Variants in TNRC6B observed in about 807,000 individuals in gnomAD.
TNRC6B encodes trinucleotide repeat containing adaptor 6B.
A neutral mutation model predicts 203.6 loss-of-function variants in TNRC6B; 52 were observed. The observed-to-expected ratio is 0.26, with a 90% CI of 0.20 to 0.32. The LOEUF (loss-of-function observed/expected upper bound fraction) is 0.32. TNRC6B is among the 10% of genes least tolerant of loss of function. TNRC6B has a pLI of 1.00. For synonymous variants in TNRC6B, 838 were observed against 845.7 expected (o/e 0.99, Z 0.16); for missense variants, 1,923 against 2,286.2 (o/e 0.84, Z 3.24).
intron 6 of TNRC6B, among the ~76,000 whole-genome samples, chr22:40,272,930 C>T (rs904658499): frequency 1.3e-5 from 2 of 152,170 alleles, no homozygotes; most frequent in African/African-American, 2.4e-5. Context: ...AAATTTTCCC[C>T]CTTTTCATGT....
chr22:40,251,791 C>CA (rs1473633545), intron 3 of TNRC6B, among the ~76,000 whole-genome samples: 2 of 151,708 alleles, frequency 1.3e-5, no homozygotes, highest in Non-Finnish European at 2.9e-5. Context: ...AGAATAATAG[C>CA]AAAAAACAAA....
At chr22:40,317,123 CT>C (rs1402765029) in intron 21 of TNRC6B, among the ~76,000 whole-genome samples, 1 of 152,202 alleles carries the variant, frequency 6.6e-6, no homozygotes, top group East Asian at 1.9e-4. Flanking sequence ...GTCTTCCCTT[CT>C]CAACTAAGTT....
intron 3 of TNRC6B, among the ~76,000 whole-genome samples, chr22:40,260,265 G>A (rs1601928439): frequency 1.3e-5 from 2 of 151,568 alleles, no homozygotes; most frequent in Non-Finnish European, 2.9e-5. Context: ...CACAGAGAGC[G>A]GTGCAAGTCT....
intron 3 of TNRC6B, among the ~76,000 whole-genome samples, chr22:40,261,207 G>A (rs1455730516): frequency 6.6e-6 from 1 of 152,092 alleles, no homozygotes; most frequent in African/African-American, 2.4e-5. Context: ...GATCACTTGA[G>A]CCCTGGAGGT....
At chr22:40,104,721 T>C (rs1376837666) in intron 1 of TNRC6B, among the ~76,000 whole-genome samples, 1 of 152,146 alleles carries the variant, frequency 6.6e-6, no homozygotes, top group African/African-American at 2.4e-5. Context: ...TCAGAGTATA[T>C]TGATGATATC....
At chr22:40,195,793 G>A (rs948104102) in intron 1 of TNRC6B, among the ~76,000 whole-genome samples, 2 of 149,750 alleles carry the variant, frequency 1.3e-5, no homozygotes, top group Admixed American at 1.3e-4. Flanking sequence ...TTTTTGAGAC[G>A]GAGTCTCGCT....
intron 1 of TNRC6B, among the ~76,000 whole-genome samples, chr22:40,198,317 CTT>C (rs1215595832): frequency 6.6e-6 from 1 of 152,150 alleles, no homozygotes; most frequent in African/African-American, 2.4e-5. Flanking sequence ...CAAGTTCTAA[CTT>C]AACAGATATT....
At chr22:40,116,191 G>A (rs1362642766) in intron 1 of TNRC6B, among the ~76,000 whole-genome samples, 1 of 152,192 alleles carries the variant, frequency 6.6e-6, no homozygotes, top group Non-Finnish European at 1.5e-5. Context: ...TGGGTTGACT[G>A]TGAAACTAAG....
chr22:40,281,715 T>C (rs1290142002), intron 11 of TNRC6B, among the ~76,000 whole-genome samples: 2 of 152,220 alleles, frequency 1.3e-5, no homozygotes, highest in African/African-American at 4.8e-5. Flanking sequence ...ATTAAGTATT[T>C]GTGGGTTATG....
In TNRC6B at chr22:40,325,034, G is replaced by A. The variant is rs948455947; in HGVS notation, c.*1793G>A. The A allele has an allele frequency of 2.6e-5, 4 of 152,544 alleles. No individual in the cohort carries two copies. Among genetic ancestry groups the A allele is most frequent in the African/African-American group, 9.7e-5 (4 of 41,388 alleles). 9.4% of individuals were successfully genotyped at this position (152,544 alleles called of 1,614,324 possible). A position where few individuals can be genotyped will look rare whatever the true frequency, so the allele number is the denominator to read the frequency against. On this transcript the variant is annotated 3_prime_UTR_variant, in exon 23 of 23. Coordinates refer to ENST00000454349, the MANE Select transcript of TNRC6B (RefSeq NM_001162501.2). ...CTGAAGGGGGCGAAAAACCAGATAG[G>A]GTGGGGGGATGGATGCCGGTGACGT...
intron 1 of TNRC6B, among the ~76,000 whole-genome samples, chr22:40,085,219 G>A (rs1055040931): frequency 1.1e-4 from 17 of 152,026 alleles, no homozygotes; most frequent in Non-Finnish European, 1.8e-4. Flanking sequence ...CCCCTCACAC[G>A]TACATATTTC....
intron 1 of TNRC6B, among the ~76,000 whole-genome samples, chr22:40,206,988 C>G (rs1261375871): frequency 6.6e-6 from 1 of 152,096 alleles, no homozygotes; most frequent in Non-Finnish European, 1.5e-5. Flanking sequence ...CAAAATTACT[C>G]GACCTCCGAA....
intron 1 of TNRC6B, among the ~76,000 whole-genome samples, chr22:40,182,262 AAAG>A (rs1329534367): frequency 2.0e-5 from 3 of 152,194 alleles, no homozygotes; most frequent in East Asian, 1.9e-4. Context: ...AAAGAAAAGA[AAAG>A]AAAAAAAAGC....
At chr22:40,268,944 A>C (rs545152166) in intron 5 of TNRC6B, among the ~76,000 whole-genome samples, 26 of 150,288 alleles carry the variant, frequency 1.7e-4, no homozygotes, top group Middle Eastern at 3.5e-3. Flanking sequence ...TAATAATAAT[A>C]ATCTTAACCC....
Position 40,163,456 on chromosome 22 carries a change from C to CAAAAAAAA in TNRC6B, c.113+7291_113+7298dup, listed in dbSNP as rs1180212519. On this transcript the variant is annotated intron_variant, in intron 4 of 23. Transcript: ENST00000301923. ...TAGATGACAGAATGAGACCCTGTCT[C>CAAAAAAAA]AAAAAAAAAAAAAAAAAAAAAAAAG... is the stretch of plus-strand genomic sequence containing the variant. 3.4e-3 allele frequency among the ~76,000 whole-genome samples: 24 copies of CAAAAAAAA among 7,000 alleles called. 3 individuals are homozygous for CAAAAAAAA. Among genetic ancestry groups the CAAAAAAAA allele is most frequent in the Admixed American group, 5.6e-3 (3 of 540 alleles). The allele number at this position is 7,000 out of a possible 152,430, so 4.6% of individuals were successfully genotyped here. A position where few individuals can be genotyped will look rare whatever the true frequency, so the allele number is the denominator to read the frequency against.
At chr22:40,244,023 C>G (rs1307687770) in intron 1 of TNRC6B, among the ~76,000 whole-genome samples, 1 of 151,512 alleles carries the variant, frequency 6.6e-6, no homozygotes, top group Non-Finnish European at 1.5e-5. Flanking sequence ...TTGCTACTTT[C>G]CTGTAGTTGG....
intron 1 of TNRC6B, among the ~76,000 whole-genome samples, chr22:40,237,850 T>C (rs2146459069): frequency 6.6e-6 from 1 of 152,092 alleles, no homozygotes; most frequent in Admixed American, 6.5e-5. Context: ...CAGCTTTTTG[T>C]CTTCATGGCA....
chr22:40,075,509 T>C (rs530525908), intron 1 of TNRC6B, among the ~76,000 whole-genome samples: 2 of 152,174 alleles, frequency 1.3e-5, no homozygotes, highest in Admixed American at 6.5e-5. Flanking sequence ...CTTATTCGTG[T>C]CTTTATTTTT....
chr22:40,131,818 A>G (rs1331635752), intron 3 of TNRC6B, among the ~76,000 whole-genome samples: 1 of 152,214 alleles, frequency 6.6e-6, no homozygotes, highest in African/African-American at 2.4e-5. Flanking sequence ...GAAAGCTTCT[A>G]TTGTAAATGC....
Sources: allele counts gnomAD v4.1 joint callset (sites outside exome capture counted in the v4.1 genomes callset), GRCh38; gene constraint gnomAD v4.1.1; transcripts MANE v1.5; gene names NCBI Gene and HGNC (gene_info 2026-07-23, HGNC 2026-07-21).